GRM1: variants seen among roughly 807,000 people sequenced by gnomAD.
The protein encoded by GRM1 is glutamate metabotropic receptor 1.
A neutral mutation model predicts 90.9 loss-of-function variants in GRM1; 33 were observed. The ratio of observed to expected loss-of-function variants is 0.36; its 90% CI spans 0.28 to 0.49. The LOEUF is 0.49. Among genes scored for constraint, GRM1 ranks in the 20% least tolerant of loss-of-function variants. The pLI is 0.99. For missense variants in GRM1, 1,190 were observed against 1,534.3 expected (o/e 0.78, Z 3.75); for synonymous variants, 700 against 613.2 (o/e 1.14, Z -2.09).
At chr6:146,387,704 G>A (rs551749021) in intron 6 of GRM1, among the ~76,000 whole-genome samples, 1 of 152,086 alleles carries the variant, frequency 6.6e-6, no homozygotes, top group African/African-American at 2.4e-5. Flanking sequence ...GGTAGGTAGG[G>A]ACAATGGTCC....
chr6:146,045,453 G>A (rs1791290174), intron 1 of GRM1, among the ~76,000 whole-genome samples: 1 of 151,916 alleles, frequency 6.6e-6, no homozygotes, highest in Non-Finnish European at 1.5e-5. Flanking sequence ...AGCAATTAAA[G>A]TAGGGATTCG....
chr6:146,195,931 T>G (rs1272402381), intron 2 of GRM1, among the ~76,000 whole-genome samples: 1 of 152,116 alleles, frequency 6.6e-6, no homozygotes, highest in African/African-American at 2.4e-5. Flanking sequence ...GAGAGAGAGA[T>G]AGCTATGAAA....
At chr6:146,112,210 T>G (rs1483839383) in intron 1 of GRM1, among the ~76,000 whole-genome samples, 1 of 151,954 alleles carries the variant, frequency 6.6e-6, no homozygotes, top group Non-Finnish European at 1.5e-5. Flanking sequence ...TGTGTAAGCA[T>G]GCATAATTCT....
rs148487504 is a variant in GRM1, at chr6:146,060,862, C to A, written c.700+30645C>A. On this transcript the variant is annotated intron_variant, in intron 1 of 7. Transcript: ENST00000282753. ...CAGTGTCTAAACTAATTTACATTCC[C>A]AGCAGTAGTGTATAAGTGCTCCCTT... is the stretch of plus-strand genomic sequence containing the variant. Among the ~76,000 whole-genome samples the A allele has an allele frequency of 1.4e-3, 208 of 152,246 alleles. 5 individuals carry two copies. The East Asian group carries it at 0.035, about 26-fold the overall frequency.
chr6:146,178,268 T>A (rs182709157), intron 2 of GRM1, among the ~76,000 whole-genome samples: 23 of 152,304 alleles, frequency 1.5e-4, no homozygotes, highest in Non-Finnish European at 2.8e-4. Context: ...CATCTAGCAC[T>A]TGTCTAATGT....
chr6:146,169,809 C>T (rs1404847098), intron 2 of GRM1, among the ~76,000 whole-genome samples: 2 of 152,076 alleles, frequency 1.3e-5, no homozygotes, highest in South Asian at 2.1e-4. Context: ...TATTTTATTT[C>T]GTGTTCTAGT....
intron 7 of GRM1, among the ~76,000 whole-genome samples, chr6:146,405,004 A>G (rs576792538): frequency 6.6e-6 from 1 of 152,356 alleles, no homozygotes; most frequent in African/African-American, 2.4e-5. Context: ...AATACCAGTT[A>G]TGCGAGCTGA....
intron 5 of GRM1, among the ~76,000 whole-genome samples, chr6:146,378,184 G>C (rs182055791): frequency 1.1e-4 from 16 of 152,324 alleles, no homozygotes; most frequent in Admixed American, 7.8e-4. Flanking sequence ...CTCTGCTAGG[G>C]AAGTGCAGAA....
chr6:146,142,865 G>A (rs1409354945), intron 1 of GRM1, among the ~76,000 whole-genome samples: 3 of 152,208 alleles, frequency 2.0e-5, no homozygotes, highest in Non-Finnish European at 2.9e-5. Context: ...GTAACCCCAC[G>A]AGCCTGCTTG....
intron 2 of GRM1, among the ~76,000 whole-genome samples, chr6:146,304,110 A>G (rs897946111): frequency 6.6e-6 from 1 of 152,340 alleles, no homozygotes; most frequent in Non-Finnish European, 1.5e-5. Context: ...ATGATGTCCC[A>G]GGAGGAAAAA....
chr6:146,166,621 A>T (rs1777915334), intron 2 of GRM1, among the ~76,000 whole-genome samples: 2 of 152,146 alleles, frequency 1.3e-5, no homozygotes, highest in Non-Finnish European at 2.9e-5. Context: ...CTGCCCTCTG[A>T]AAACACAGTC....
intron 7 of GRM1, among the ~76,000 whole-genome samples, chr6:146,431,607 A>AAC (rs3838249): frequency 3.7e-4 from 56 of 151,634 alleles, no homozygotes; most frequent in Admixed American, 2.8e-3. Flanking sequence ...TTGTTGTTTT[A>AAC]ACACACACAC....
At chr6:146,156,912 G>A (rs1008265448) in intron 1 of GRM1, among the ~76,000 whole-genome samples, 36 of 152,304 alleles carry the variant, frequency 2.4e-4, no homozygotes, top group African/African-American at 8.4e-4. Flanking sequence ...TAGATGTCTG[G>A]AAGAAGTAGA....
chr6:146,037,818 T>G (rs537645010), intron 1 of GRM1, among the ~76,000 whole-genome samples: 29 of 152,134 alleles, frequency 1.9e-4, no homozygotes, highest in African/African-American at 6.7e-4. Context: ...ATTTATAAAT[T>G]TTTAAACATG....
intron 2 of GRM1, among the ~76,000 whole-genome samples, chr6:146,216,028 A>T (rs1017788776): frequency 6.6e-6 from 1 of 152,222 alleles, no homozygotes; most frequent in African/African-American, 2.4e-5. Context: ...AAGTGCTGGG[A>T]TTACAGGCGT....
At chr6:146,289,500 G>A (rs978359548) in intron 2 of GRM1, among the ~76,000 whole-genome samples, 2 of 152,162 alleles carry the variant, frequency 1.3e-5, no homozygotes, top group African/African-American at 2.4e-5. Flanking sequence ...AAAAGTTACA[G>A]TAAACTAAGG....
At chr6:146,345,101 A>G (rs576814130) in intron 3 of GRM1, among the ~76,000 whole-genome samples, 135 of 152,298 alleles carry the variant, frequency 8.9e-4, no homozygotes, top group South Asian at 2.7e-3. Context: ...GTAAGCCACC[A>G]AGCCCAGCCA....
intron 2 of GRM1, among the ~76,000 whole-genome samples, chr6:146,165,396 C>T (rs906427467): frequency 5.3e-5 from 8 of 151,732 alleles, no homozygotes; most frequent in Non-Finnish European, 1.2e-4. Context: ...CATGTTTCCA[C>T]TATGGAAAAA....
intron 2 of GRM1, among the ~76,000 whole-genome samples, chr6:146,166,896 G>A (rs1777927219): frequency 6.6e-6 from 1 of 152,090 alleles, no homozygotes; most frequent in South Asian, 2.1e-4. Context: ...CTGGGGAAGG[G>A]ACTTAGTAAT....
Sources: gnomAD v4.1 joint callset for allele counts (sites outside exome capture counted in the v4.1 genomes callset) on GRCh38, gnomAD v4.1.1 for gene constraint, MANE v1.5 for transcripts, NCBI Gene and HGNC (gene_info 2026-07-23, HGNC 2026-07-21) for gene names.